The following NBDY variants were observed in gnomAD, a reference collection of about 807,000 sequenced individuals.
The protein encoded by NBDY is negative regulator of P-body association.
intron 2 of NBDY, among the ~76,000 whole-genome samples, chrX:56,754,960 G>C (rs1293465217): frequency 9.0e-6 from 1 of 111,299 alleles, no homozygotes; most frequent in East Asian, 2.8e-4. Context: ...GAAATAATAA[G>C]TAAATCAGAA....
chrX:56,788,036 T>A (rs2069739597), intron 2 of NBDY, among the ~76,000 whole-genome samples: 1 of 111,912 alleles, frequency 8.9e-6, no homozygotes, highest in South Asian at 3.7e-4. Context: ...TGATAATGTG[T>A]TCTTTGTCTT....
intron 2 of NBDY, among the ~76,000 whole-genome samples, chrX:56,788,209 T>A (rs371077388): frequency 1.4e-4 from 16 of 112,773 alleles, no homozygotes; most frequent in African/African-American, 4.5e-4. Context: ...GGCTTGTTCC[T>A]TTCTCTTCTC....
intron 2 of NBDY, among the ~76,000 whole-genome samples, chrX:56,732,833 A>G (rs1314503496): frequency 9.0e-6 from 1 of 111,617 alleles, no homozygotes; most frequent in African/African-American, 3.3e-5. Context: ...TGCCACTTTC[A>G]TATCCTTTCT....
intron 2 of NBDY, among the ~76,000 whole-genome samples, chrX:56,790,918 C>T (rs974640043): frequency 3.6e-5 from 4 of 112,148 alleles, no homozygotes; most frequent in South Asian, 3.7e-4. Context: ...TTGGGGTGGG[C>T]GCAGTGGGGA....
At chrX:56,767,302 G>A in intron 2 of NBDY, among the ~76,000 whole-genome samples, 1 of 113,436 alleles carries the variant, frequency 8.8e-6, no homozygotes, top group South Asian at 3.6e-4. Flanking sequence ...TTGATCCTAG[G>A]GTCCCCTTAA....
chrX:56,790,432 C>A (rs1159450870), intron 2 of NBDY, among the ~76,000 whole-genome samples: 3 of 111,675 alleles, frequency 2.7e-5, no homozygotes, highest in African/African-American at 9.8e-5. Context: ...TGGGCCTCTA[C>A]TCTCAGGGCA....
intron 2 of NBDY, among the ~76,000 whole-genome samples, chrX:56,783,849 G>T (rs974726848): frequency 8.9e-6 from 1 of 112,767 alleles, no homozygotes; most frequent in African/African-American, 3.2e-5. Context: ...ACAAAGCGAA[G>T]AAACAAAGAA....
At chrX:56,759,933 C>A (rs1052383873) in intron 2 of NBDY, among the ~76,000 whole-genome samples, 1 of 112,206 alleles carries the variant, frequency 8.9e-6, no homozygotes, top group African/African-American at 3.2e-5. Context: ...CAGCTTGGAC[C>A]CAGCCAATGG....
chrX:56,798,353 G>A (rs1319158174), intron 2 of NBDY, among the ~76,000 whole-genome samples: 2 of 111,958 alleles, frequency 1.8e-5, no homozygotes, highest in African/African-American at 6.5e-5. Flanking sequence ...TGGCAACGTG[G>A]TGGCCTTTTT....
At chrX:56,763,261 G>A (rs756665478) in intron 2 of NBDY, among the ~76,000 whole-genome samples, 9 of 112,198 alleles carry the variant, frequency 8.0e-5, no homozygotes, top group African/African-American at 1.3e-4. Flanking sequence ...GGCCCTGTGT[G>A]ATGCCATAAG....
chrX:56,810,849 C>A (rs1455970913), intron 2 of NBDY, among the ~76,000 whole-genome samples: 1 of 111,513 alleles, frequency 9.0e-6, no homozygotes, highest in Non-Finnish European at 1.9e-5. Flanking sequence ...TTGGAATTTT[C>A]AACCTTTTTG....
chrX:56,797,097 TTC>T (rs1044142790), intron 2 of NBDY, among the ~76,000 whole-genome samples: 5 of 109,710 alleles, frequency 4.6e-5, no homozygotes, highest in Middle Eastern at 4.8e-3. Context: ...CTCCTTCTTC[TTC>T]TTTTTCTTTC....
intron 2 of NBDY, among the ~76,000 whole-genome samples, chrX:56,809,387 TGTAA>T (rs1366234743): frequency 8.9e-6 from 1 of 111,973 alleles, no homozygotes; most frequent in African/African-American, 3.3e-5. Flanking sequence ...TGTGTGGGAA[TGTAA>T]GTCTCTTTGT....
At chrX:56,783,279 A>G (rs2069706514) in intron 2 of NBDY, among the ~76,000 whole-genome samples, 1 of 113,044 alleles carries the variant, frequency 8.8e-6, no homozygotes, top group African/African-American at 3.2e-5. Flanking sequence ...GGCAGTCTCC[A>G]GAAACTGCCG....
chrX:56,793,153 C>T (rs2069773390), intron 2 of NBDY, among the ~76,000 whole-genome samples: 1 of 112,355 alleles, frequency 8.9e-6, no homozygotes, highest in African/African-American at 3.2e-5. Flanking sequence ...AGGTGGTAAA[C>T]TCTACCTGCA....
intron 2 of NBDY, among the ~76,000 whole-genome samples, chrX:56,760,722 CAAAG>C (rs1482027226): frequency 8.9e-6 from 1 of 111,836 alleles, no homozygotes; most frequent in Non-Finnish European, 1.9e-5. Flanking sequence ...ATAAAAAAAA[CAAAG>C]AAACAAACCG....
intron 2 of NBDY, among the ~76,000 whole-genome samples, chrX:56,784,569 G>C (rs996043857): frequency 1.8e-5 from 2 of 111,951 alleles, no homozygotes; most frequent in African/African-American, 6.5e-5. Flanking sequence ...AAGTGCATGG[G>C]TAGCCAGGTT....
intron 2 of NBDY, among the ~76,000 whole-genome samples, chrX:56,781,067 A>T (rs1272482229): frequency 1.8e-5 from 2 of 111,312 alleles, no homozygotes; most frequent in African/African-American, 6.6e-5. Flanking sequence ...ACATCGGGTG[A>T]AGTAAGGAAC....
intron 2 of NBDY, among the ~76,000 whole-genome samples, chrX:56,760,687 A>AAAAC (rs368887870): frequency 8.9e-6 from 1 of 112,076 alleles, no homozygotes; most frequent in South Asian, 3.7e-4. Flanking sequence ...TCTGTCTCAA[A>AAAAC]AAACAAACAA....
Sources: allele counts gnomAD v4.1 joint callset (sites outside exome capture counted in the v4.1 genomes callset), GRCh38; gene constraint gnomAD v4.1.1; transcripts MANE v1.5; gene names NCBI Gene and HGNC (gene_info 2026-07-23, HGNC 2026-07-21).